Variants in NRG3 observed in about 807,000 individuals in gnomAD.
NRG3 encodes neuregulin 3.
Under a neutral mutation model 66.9 loss-of-function variants are expected in NRG3, and 31 were observed. That is an observed-to-expected ratio of 0.46 (90% confidence interval 0.35 to 0.63). The LOEUF (loss-of-function observed/expected upper bound fraction) is 0.63, where lower values mean the gene tolerates loss of function less well. NRG3 is among the 20% of genes least tolerant of loss of function. The pLI is 0.00. For synonymous variants in NRG3, 393 were observed against 359.4 expected, an observed-to-expected ratio of 1.09 and a Z score of -1.06; for missense variants, 910 against 878.9, an observed-to-expected ratio of 1.04 and a Z score of -0.45.
At chr10:82,129,822 A>C (rs1388218006) in intron 1 of NRG3, among the ~76,000 whole-genome samples, 2 of 152,000 alleles carry the variant, frequency 1.3e-5, no homozygotes, top group African/African-American at 4.8e-5. Flanking sequence ...CTGCCTCCCA[A>C]AGTGCTGGGA....
At chr10:82,097,316 TTATC>T (rs991610799) in intron 1 of NRG3, among the ~76,000 whole-genome samples, 6 of 150,362 alleles carry the variant, frequency 4.0e-5, no homozygotes, top group South Asian at 2.1e-4. Context: ...CATCATTTGT[TTATC>T]TATTCCCTTA....
chr10:82,730,461 G>T (rs200364357), intron 2 of NRG3, among the ~76,000 whole-genome samples: 1 of 152,124 alleles, frequency 6.6e-6, no homozygotes, highest in East Asian at 1.9e-4. Context: ...AGCAATGCTT[G>T]CATCAGACAA....
chr10:82,154,686 C>T (rs1465935113), intron 1 of NRG3, among the ~76,000 whole-genome samples: 1 of 151,682 alleles, frequency 6.6e-6, no homozygotes, highest in Non-Finnish European at 1.5e-5. Flanking sequence ...GATATTAATT[C>T]TTCTAATCCA....
intron 2 of NRG3, among the ~76,000 whole-genome samples, chr10:82,477,338 G>A (rs895445905): frequency 1.3e-5 from 2 of 152,140 alleles, no homozygotes; most frequent in Admixed American, 6.5e-5. Flanking sequence ...AGTGAGATGA[G>A]AAATAGGTTT....
intron 1 of NRG3, among the ~76,000 whole-genome samples, chr10:82,217,118 C>T (rs961817344): frequency 2.6e-5 from 4 of 152,100 alleles, no homozygotes; most frequent in African/African-American, 9.7e-5. Context: ...TGAAACTGTT[C>T]ATTTCCTAGG....
Position 82,788,826 on chromosome 10 carries a change from C to A in NRG3, c.1027+50176C>A, listed in dbSNP as rs116368735. On this transcript the variant is annotated intron_variant, in intron 3 of 8. Coordinates refer to ENST00000372141, the MANE Select transcript of NRG3 (RefSeq NM_001010848.4). ...ACCCTATGTGGTCTTTTGTGCCTGG[C>A]TTATTTCACTTAGGGTAACGTATTA... is the stretch of plus-strand genomic sequence containing the variant. Among the ~76,000 whole-genome samples, 1,221 of 151,846 alleles carry A rather than the reference C, an allele frequency of 8.0e-3. 17 individuals carry two copies. The highest frequency in any genetic ancestry group is 0.028 in the African/African-American group (1,160 of 41,390).
intron 6 of NRG3, among the ~76,000 whole-genome samples, chr10:82,970,501 G>T (rs1851622927): frequency 6.6e-6 from 1 of 152,046 alleles, no homozygotes; most frequent in Non-Finnish European, 1.5e-5. Flanking sequence ...TCTTTATAAT[G>T]AGTGCAGTTG....
intron 1 of NRG3, among the ~76,000 whole-genome samples, chr10:82,336,243 T>C (rs1027435969): frequency 6.6e-5 from 10 of 151,718 alleles, no homozygotes; most frequent in Non-Finnish European, 1.5e-4. Flanking sequence ...AAAGGAGATA[T>C]GGAGTGCAGT....
chr10:82,041,953 C>G (rs781659639), intron 1 of NRG3, among the ~76,000 whole-genome samples: 2 of 151,902 alleles, frequency 1.3e-5, no homozygotes, highest in African/African-American at 2.4e-5. Flanking sequence ...ACAAAACTAC[C>G]CCAGATGGGC....
chr10:82,177,529 A>C (rs998980893), intron 1 of NRG3, among the ~76,000 whole-genome samples: 6 of 152,182 alleles, frequency 3.9e-5, no homozygotes, highest in African/African-American at 1.2e-4. Context: ...GCATAATCCA[A>C]CTAAACCAGT....
intron 1 of NRG3, among the ~76,000 whole-genome samples, chr10:82,150,067 C>T (rs1448950932): frequency 6.6e-6 from 1 of 152,018 alleles, no homozygotes; most frequent in Non-Finnish European, 1.5e-5. Context: ...CTGCTGTTCC[C>T]ATCAATCTAT....
intron 2 of NRG3, among the ~76,000 whole-genome samples, chr10:82,565,088 G>A (rs925662524): frequency 9.2e-5 from 14 of 152,004 alleles, no homozygotes; most frequent in African/African-American, 1.2e-4. Flanking sequence ...GGCATTCCCC[G>A]CCAGAGAAAG....
chr10:81,894,713 G>A lies in NRG3; in HGVS notation c.823+18550G>A, dbSNP rs897738816. 6.6e-5 allele frequency among the ~76,000 whole-genome samples: 10 copies of A among 152,034 alleles called. No individual in the cohort carries two copies. In the East Asian group the frequency reaches 1.5e-3, roughly 24 times the overall value. ...ACAGTGCATGGAGACTGCCCTCCCCGCTGCTACCCCACATCCTGAGCGTTC... is the reference window on the plus strand; with the variant it reads ...ACAGTGCATGGAGACTGCCCTCCCCACTGCTACCCCACATCCTGAGCGTTC... On this transcript the variant is annotated intron_variant, in intron 1 of 8. Transcript: ENST00000372141.
intron 4 of NRG3, among the ~76,000 whole-genome samples, chr10:82,916,653 G>T (rs1845857835): frequency 6.6e-6 from 1 of 150,708 alleles, no homozygotes; most frequent in Non-Finnish European, 1.5e-5. Context: ...TTGAGACAGA[G>T]CCTTGCTTGG....
At chr10:81,987,890 G>T (rs1249477532) in intron 1 of NRG3, among the ~76,000 whole-genome samples, 1 of 152,138 alleles carries the variant, frequency 6.6e-6, no homozygotes, top group East Asian at 1.9e-4. Context: ...TCCAGAGATT[G>T]GTGCTATGCA....
chr10:82,883,135 C>A (rs188863855), intron 4 of NRG3, among the ~76,000 whole-genome samples: 21 of 152,158 alleles, frequency 1.4e-4, no homozygotes, highest in East Asian at 5.8e-4. Flanking sequence ...TTGATGTATG[C>A]GGAATGTGCT....
chr10:82,663,914 A>C (rs1488100493), intron 2 of NRG3, among the ~76,000 whole-genome samples: 1 of 152,232 alleles, frequency 6.6e-6, no homozygotes. Context: ...CATCCAAGCC[A>C]ACTGACCTGT....
At chr10:82,433,806 A>G (rs1463038547) in intron 2 of NRG3, among the ~76,000 whole-genome samples, 3 of 152,116 alleles carry the variant, frequency 2.0e-5, no homozygotes, top group Admixed American at 1.3e-4. Flanking sequence ...TCATAGGTCT[A>G]TATGTCTGTT....
intron 2 of NRG3, among the ~76,000 whole-genome samples, chr10:82,662,418 A>G (rs2052438548): frequency 6.6e-6 from 1 of 152,176 alleles, no homozygotes; most frequent in Non-Finnish European, 1.5e-5. Flanking sequence ...TTTATAATTA[A>G]TAGAAGGTCT....
Sources: gnomAD v4.1 joint callset for allele counts (sites outside exome capture counted in the v4.1 genomes callset) on GRCh38, gnomAD v4.1.1 for gene constraint, MANE v1.5 for transcripts, NCBI Gene and HGNC (gene_info 2026-07-23, HGNC 2026-07-21) for gene names.